Variants in CSMD1 observed in about 807,000 individuals in gnomAD.
The protein encoded by CSMD1 is CUB and Sushi multiple domains 1, also known as CUB and sushi domain-containing protein 1.
In CSMD1, 213 loss-of-function variants were observed where a neutral mutation model predicts 417.5. The observed-to-expected ratio is 0.51, with a 90% confidence interval of 0.46 to 0.57. CSMD1 has a LOEUF of 0.57. Ranked by LOEUF, CSMD1 falls within the 20% of genes least tolerant of loss-of-function variation. The probability of loss-of-function intolerance (pLI) is 0.00; values close to 1 mark genes in which losing one functional copy is unlikely to be tolerated. For missense variants in CSMD1, 6,923 were observed against 4,529.7 expected (o/e 1.53, Z -15.17); for synonymous variants, 2,862 against 1,736.8 (o/e 1.65, Z -16.11).
rs1011729872 is a variant in CSMD1 at position 3,634,577 on chromosome 8, A to G, written c.1010-17780T>C. Among the ~76,000 whole-genome samples the G allele has an allele frequency of 1.8e-4, 28 of 152,240 alleles. 1 individual carries two copies. The highest frequency in any genetic ancestry group is 5.9e-4 in the Admixed American group (9 of 15,296). On this transcript the variant is annotated intron_variant, in intron 7 of 69. Transcript: ENST00000635120. ...CTGTCTCTTTTCACTGTCACAAGCC[A>G]TAGCCATGCACATAATGACCTTCCT...
At chr8:4,043,143 C>A (rs914127209) in intron 3 of CSMD1, among the ~76,000 whole-genome samples, 1 of 151,772 alleles carries the variant, frequency 6.6e-6, no homozygotes, top group African/African-American at 2.4e-5. Context: ...CAAAACAAAA[C>A]AAAACAATAA....
chr8:4,778,168 A>G (rs17071298), intron 1 of CSMD1, among the ~76,000 whole-genome samples: 23,822 of 152,088 alleles, frequency 0.16, 1,982 homozygotes, highest in East Asian at 0.33. Context: ...TAAAACAAAT[A>G]TGTCATAAAA....
chr8:3,431,966 G>A (rs1406195755), intron 12 of CSMD1, among the ~76,000 whole-genome samples: 1 of 152,184 alleles, frequency 6.6e-6, no homozygotes, highest in East Asian at 1.9e-4. Flanking sequence ...GTAGATGCTT[G>A]ATAGTATCAC....
intron 3 of CSMD1, among the ~76,000 whole-genome samples, chr8:4,264,193 A>T (rs1365431629): frequency 6.6e-6 from 1 of 152,186 alleles, no homozygotes; most frequent in African/African-American, 2.4e-5. Flanking sequence ...GGTGATGATG[A>T]TGATTACCAA....
intron 7 of CSMD1, among the ~76,000 whole-genome samples, chr8:3,693,395 G>T (rs1800360730): frequency 1.3e-5 from 2 of 152,082 alleles, no homozygotes; most frequent in South Asian, 4.1e-4. Context: ...AATGACTTTT[G>T]TTAAGAGTGT....
At chr8:4,585,699 T>C (rs1348665902) in intron 2 of CSMD1, among the ~76,000 whole-genome samples, 4 of 152,286 alleles carry the variant, frequency 2.6e-5, no homozygotes, top group Non-Finnish European at 4.4e-5. Flanking sequence ...CCAGAGGTAA[T>C]GAATGCTGTC....
At chr8:4,523,522 C>T (rs891496284) in intron 2 of CSMD1, among the ~76,000 whole-genome samples, 1 of 152,076 alleles carries the variant, frequency 6.6e-6, no homozygotes, top group Non-Finnish European at 1.5e-5. Context: ...TTTTCCTTCT[C>T]TCTCACACAC....
chr8:3,984,706 TATATATATATATATATATATA>T (rs1814176628), intron 5 of CSMD1, among the ~76,000 whole-genome samples: 1 of 47,282 alleles, frequency 2.1e-5, no homozygotes, highest in Non-Finnish European at 3.9e-5. Flanking sequence ...GTATATATCA[TATATATATATATATATATATA>T]TATATATATA....
chr8:4,837,901 A>T (rs969610324), intron 1 of CSMD1, among the ~76,000 whole-genome samples: 3 of 151,120 alleles, frequency 2.0e-5, no homozygotes, highest in East Asian at 1.9e-4. Context: ...CCCCAAAATT[A>T]AAAAAAAATA....
At chr8:3,679,749 A>T (rs1454064161) in intron 7 of CSMD1, among the ~76,000 whole-genome samples, 1 of 152,196 alleles carries the variant, frequency 6.6e-6, no homozygotes, top group Admixed American at 6.6e-5. Context: ...TCAGCATCAC[A>T]CCACACTTAT....
Position 3,449,326 on chromosome 8 carries a change from C to T in CSMD1, c.1561+19386G>A, listed in dbSNP as rs79548011. Among the ~76,000 whole-genome samples, 194 of 152,280 alleles carry T rather than the reference C, an allele frequency of 1.3e-3. 5 individuals carry two copies. In the East Asian group the frequency reaches 0.035, roughly 28 times the overall value. The stretch of plus-strand genomic sequence containing the variant: ...TTAAAAATGTGAATCCAAATCAGCA[C>T]AAACTCAATATAATCTTGTTTTCTC... On this transcript the variant is annotated intron_variant, in intron 12 of 69. Coordinates refer to ENST00000635120, the MANE Select transcript of CSMD1 (RefSeq NM_033225.6).
intron 6 of CSMD1, among the ~76,000 whole-genome samples, chr8:3,735,300 A>G (rs1055839493): frequency 3.9e-5 from 5 of 128,578 alleles, no homozygotes; most frequent in African/African-American, 1.3e-4. Context: ...ATATGGCAAG[A>G]TAAAAAACAA....
At chr8:3,628,754 G>A (rs1026872168) in intron 7 of CSMD1, among the ~76,000 whole-genome samples, 1 of 152,118 alleles carries the variant, frequency 6.6e-6, no homozygotes. Context: ...ACGGAAAAGT[G>A]ACCAGCGCCT....
intron 22 of CSMD1, among the ~76,000 whole-genome samples, chr8:3,344,562 G>A (rs1250540959): frequency 1.3e-5 from 2 of 152,208 alleles, no homozygotes; most frequent in African/African-American, 2.4e-5. Flanking sequence ...CTCACTAGCA[G>A]GGGGCTGTAA....
intron 10 of CSMD1, among the ~76,000 whole-genome samples, chr8:3,573,111 C>G (rs1179722065): frequency 6.6e-6 from 1 of 151,926 alleles, no homozygotes; most frequent in Non-Finnish European, 1.5e-5. Flanking sequence ...TTCTATTTAT[C>G]TTATGCTTGT....
intron 2 of CSMD1, among the ~76,000 whole-genome samples, chr8:4,613,020 C>G (rs998955949): frequency 1.3e-5 from 2 of 152,094 alleles, no homozygotes; most frequent in African/African-American, 4.8e-5. Flanking sequence ...CAGGAAAATT[C>G]AGTGTAAGGG....
intron 14 of CSMD1, among the ~76,000 whole-genome samples, chr8:3,407,190 G>A (rs1036203427): frequency 3.3e-5 from 5 of 150,970 alleles, no homozygotes. Context: ...GGAAGGATAT[G>A]GATGAATGGA....
At chr8:4,329,527 A>G (rs1242488830) in intron 3 of CSMD1, among the ~76,000 whole-genome samples, 2 of 152,104 alleles carry the variant, frequency 1.3e-5, no homozygotes, top group South Asian at 2.1e-4. Context: ...ACCTCAAGTG[A>G]TTTGTCTTCC....
intron 6 of CSMD1, among the ~76,000 whole-genome samples, chr8:3,739,847 A>G (rs898864552): frequency 2.0e-5 from 3 of 152,166 alleles, no homozygotes; most frequent in African/African-American, 7.2e-5. Flanking sequence ...TACATTTGGG[A>G]CAATTAAAAA....
Sources: allele counts gnomAD v4.1 joint callset (sites outside exome capture counted in the v4.1 genomes callset), GRCh38; gene constraint gnomAD v4.1.1; transcripts MANE v1.5; gene names NCBI Gene and HGNC (gene_info 2026-07-23, HGNC 2026-07-21).